COL23A1: variants seen among roughly 807,000 people sequenced by gnomAD.
COL23A1 encodes collagen type XXIII alpha 1 chain, also known as collagen alpha-1(XXIII) chain.
A neutral mutation model predicts 99.3 loss-of-function variants in COL23A1; 97 were observed. The ratio of observed to expected loss-of-function variants is 0.98; its 90% confidence interval spans 0.83 to 1.16. COL23A1 has a LOEUF of 1.16. COL23A1 is among the 50% of genes most tolerant of loss of function. The probability of loss-of-function intolerance (pLI) is 0.00; values close to 1 mark genes in which losing one functional copy is unlikely to be tolerated. For missense variants in COL23A1, 762 were observed against 757.4 expected (o/e 1.01, Z -0.07); for synonymous variants, 320 against 308.2 (o/e 1.04, Z -0.40).
chr5:178,449,872 C>T (rs1561982313), intron 2 of COL23A1, among the ~76,000 whole-genome samples: 1 of 152,104 alleles, frequency 6.6e-6, no homozygotes, highest in Non-Finnish European at 1.5e-5. Flanking sequence ...CGCGTTGTGT[C>T]CAAATGCCCC....
chr5:178,267,299 G>A lies in COL23A1; in HGVS notation c.522+8C>T, dbSNP rs1488878652. On this transcript the variant is annotated splice_region_variant and intron_variant, in intron 8 of 28. Coordinates refer to ENST00000390654, the MANE Select transcript of COL23A1 (RefSeq NM_173465.4). ...TGGGCAGTGAGGGAGGTCATGCCTG[G>A]TTCTTACCCGGGGGCCAAAGTCTCC... 1 of 1,614,056 alleles carries A rather than the reference G, an allele frequency of 6.2e-7. No individual in the cohort carries two copies. The highest frequency in any genetic ancestry group is 1.1e-5 in the South Asian group (1 of 91,058).
intron 2 of COL23A1, among the ~76,000 whole-genome samples, chr5:178,528,786 G>A (rs1444507279): frequency 6.6e-6 from 1 of 152,206 alleles, no homozygotes; most frequent in East Asian, 1.9e-4. Flanking sequence ...CTCCAGCCTG[G>A]GCAACAAGAG....
intron 3 of COL23A1, among the ~76,000 whole-genome samples, chr5:178,291,710 G>C (rs1757468678): frequency 1.3e-5 from 2 of 152,176 alleles, no homozygotes; most frequent in Middle Eastern, 6.8e-3. Context: ...CTGGAGATGC[G>C]CTGAGGTGTC....
rs1581471907 is a variant in COL23A1, at chr5:178,480,837, T to C, written c.361+79845A>G. Among the ~76,000 whole-genome samples, 3 of 152,192 alleles carry C rather than the reference T, an allele frequency of 2.0e-5. No homozygotes were observed. The South Asian group carries it at 6.2e-4, about 32-fold the overall frequency. ...ATATGTCAGGGATATCCACAGACAT[T>C]CTTAACATCAACATTAAATGTGGGC... On this transcript the variant is annotated intron_variant, in intron 2 of 28. Transcript: ENST00000390654.
At chr5:178,555,360 G>T (rs145163835) in intron 2 of COL23A1, among the ~76,000 whole-genome samples, 2 of 152,094 alleles carry the variant, frequency 1.3e-5, no homozygotes, top group Non-Finnish European at 2.9e-5. Context: ...TGAGACTTTC[G>T]GGAAAGAACA....
chr5:178,429,473 T>C (rs1404261981), intron 2 of COL23A1, among the ~76,000 whole-genome samples: 14 of 152,224 alleles, frequency 9.2e-5, no homozygotes, highest in Non-Finnish European at 2.1e-4. Context: ...AAAAACTGCC[T>C]TCCTTTTCTT....
In COL23A1 at chr5:178,288,237, G is replaced by A. The variant is rs1462218722; in HGVS notation, c.441+87C>T. ...GCTGAGGAGCAGAAGAGACAGGAGC[G>A]CAGACAGAGTTAAATCAAGGCTCAG... On this transcript the variant is annotated intron_variant, in intron 5 of 28. Coordinates refer to ENST00000390654, the MANE Select transcript of COL23A1 (RefSeq NM_173465.4). The A allele has an allele frequency of 1.2e-4, 130 of 1,116,918 alleles. 2 individuals carry two copies. The East Asian group carries it at 2.2e-3, about 18-fold the overall frequency. The allele number at this position is 1,116,918 out of a possible 1,614,324, so 69.2% of individuals were successfully genotyped here.
rs970384290 is a variant in COL23A1, at chr5:178,284,179, C to T, written c.441+4145G>A. Among the ~76,000 whole-genome samples the T allele has an allele frequency of 7.5e-4, 114 of 152,146 alleles. 2 individuals are homozygous for T. The highest frequency in any genetic ancestry group is 7.1e-3 in the Admixed American group (108 of 15,268). ...ATGCTGTTGATTCTATGATGTCTTC[C>T]GTCCCTGGACCAGTTGGGATCCAAA... On this transcript the variant is annotated intron_variant, in intron 5 of 28. Coordinates refer to ENST00000390654, the MANE Select transcript of COL23A1 (RefSeq NM_173465.4).
intron 2 of COL23A1, among the ~76,000 whole-genome samples, chr5:178,433,158 C>T (rs1411935716): frequency 6.6e-6 from 1 of 152,020 alleles, no homozygotes; most frequent in African/African-American, 2.4e-5. Context: ...AGGTTTAAGG[C>T]CCAGTCCCCC....
intron 2 of COL23A1, among the ~76,000 whole-genome samples, chr5:178,460,058 T>C (rs1240437982): frequency 1.3e-5 from 2 of 152,140 alleles, no homozygotes; most frequent in Non-Finnish European, 2.9e-5. Context: ...TTTATAATTA[T>C]AGAAATAGAT....
intron 3 of COL23A1, among the ~76,000 whole-genome samples, chr5:178,301,053 C>T (rs1172558351): frequency 6.6e-6 from 1 of 151,792 alleles, no homozygotes; most frequent in African/African-American, 2.4e-5. Flanking sequence ...GCTTCTGGGA[C>T]TACCATTATG....
intron 2 of COL23A1, among the ~76,000 whole-genome samples, chr5:178,469,248 T>C (rs1284890767): frequency 2.6e-5 from 4 of 152,142 alleles, no homozygotes; most frequent in Non-Finnish European, 4.4e-5. Context: ...TGTTCTTCCT[T>C]TGGGGGTATA....
chr5:178,291,795 G>A (rs759103664), intron 3 of COL23A1, among the ~76,000 whole-genome samples: 16 of 152,020 alleles, frequency 1.1e-4, no homozygotes, highest in Admixed American at 2.0e-4. Context: ...GATGGGGCTC[G>A]CACAGTAGCG....
intron 2 of COL23A1, among the ~76,000 whole-genome samples, chr5:178,352,616 G>C (rs565943202): frequency 6.6e-6 from 1 of 152,238 alleles, no homozygotes. Flanking sequence ...TCTCCAGAGA[G>C]GAATGCTGCA....
chr5:178,446,459 GA>G (rs1767163358), intron 2 of COL23A1, among the ~76,000 whole-genome samples: 1 of 151,898 alleles, frequency 6.6e-6, no homozygotes. Context: ...GAAAAAGCAA[GA>G]TTATATAGTT....
chr5:178,495,918 T>G (rs1758176092), intron 2 of COL23A1, among the ~76,000 whole-genome samples: 1 of 152,188 alleles, frequency 6.6e-6, no homozygotes, highest in East Asian at 1.9e-4. Context: ...ATTTTTCAGA[T>G]GAGAAAACTA....
At chr5:178,435,024 C>T (rs1418639988) in intron 2 of COL23A1, among the ~76,000 whole-genome samples, 1 of 152,218 alleles carries the variant, frequency 6.6e-6, no homozygotes, top group Non-Finnish European at 1.5e-5. Flanking sequence ...CCAGCCAGCA[C>T]CGGATGCAGG....
chr5:178,536,708 C>T lies in COL23A1; in HGVS notation c.361+23974G>A, dbSNP rs150325880. 3.0e-3 allele frequency among the ~76,000 whole-genome samples: 459 copies of T among 152,258 alleles called. 6 individuals are homozygous for T. Among genetic ancestry groups the T allele is most frequent in the East Asian group, 0.029 (148 of 5,160 alleles). ...GCGATGAGGGCATCCCTATGCGGCT[C>T]GGTCCCATTCTTGAAAGCGATGATG... is the stretch of plus-strand genomic sequence containing the variant. On this transcript the variant is annotated intron_variant, in intron 2 of 28. Coordinates refer to ENST00000390654, the MANE Select transcript of COL23A1 (RefSeq NM_173465.4).
chr5:178,349,590 C>A (rs1489842643), intron 2 of COL23A1, among the ~76,000 whole-genome samples: 1 of 149,838 alleles, frequency 6.7e-6, no homozygotes, highest in Non-Finnish European at 1.5e-5. Flanking sequence ...TCCTGCCTCA[C>A]CTTTCCACGG....
Sources: allele counts gnomAD v4.1 joint callset (sites outside exome capture counted in the v4.1 genomes callset), GRCh38; gene constraint gnomAD v4.1.1; transcripts MANE v1.5; gene names NCBI Gene and HGNC (gene_info 2026-07-23, HGNC 2026-07-21).